The following SLC6A3 variants were observed in gnomAD, a reference collection of about 807,000 sequenced individuals.
SLC6A3 encodes the protein sodium-dependent dopamine transporter.
SLC6A3 carries 19 observed loss-of-function variants against 70.4 expected under a neutral mutation model. The observed-to-expected ratio is 0.27, with a 90% CI of 0.19 to 0.40. The LOEUF is 0.40. Ranked by LOEUF, SLC6A3 falls within the 10% of genes least tolerant of loss-of-function variation. The pLI is 1.00. For missense variants in SLC6A3, 613 were observed against 838.5 expected (o/e 0.73, Z 3.32); for synonymous variants, 368 against 356.6 (o/e 1.03, Z -0.36).
chr5:1,423,978 C>T (rs1232683954), intron 4 of SLC6A3, among the ~76,000 whole-genome samples: 1 of 152,218 alleles, frequency 6.6e-6, no homozygotes, highest in Non-Finnish European at 1.5e-5. Context: ...TTTCCACCAG[C>T]TGCAAGGCAT....
chr5:1,428,686 C>T lies in SLC6A3; in HGVS notation c.653+3778G>A, dbSNP rs796384005. 3.3e-5 allele frequency among the ~76,000 whole-genome samples: 5 copies of T among 152,292 alleles called. No homozygotes were observed. The East Asian group carries it at 5.8e-4, about 18-fold the overall frequency. On this transcript the variant is annotated intron_variant, in intron 4 of 14. Coordinates refer to ENST00000270349, the MANE Select transcript of SLC6A3 (RefSeq NM_001044.5). ...GGGTGCCAGCAACTCCCACAGGATACGTTTCATTTGCCAACCCTGAGGAAC... is the reference window on the plus strand; with the variant it reads ...GGGTGCCAGCAACTCCCACAGGATATGTTTCATTTGCCAACCCTGAGGAAC...
Position 1,393,913 on chromosome 5 carries a change from C to A in SLC6A3, c.*822G>T, listed in dbSNP as rs1313009469. ...GGGATAGGACATGCTCCTGTGGGGG[C>A]CCTGCATGCGTCCGGGGATAGGACA... is the stretch of plus-strand genomic sequence containing the variant. On this transcript the variant is annotated 3_prime_UTR_variant, in exon 15 of 15. Coordinates refer to ENST00000270349, the MANE Select transcript of SLC6A3 (RefSeq NM_001044.5). The A allele has an allele frequency of 6.5e-6, 1 of 153,600 alleles. No homozygotes were observed. The highest frequency in any genetic ancestry group is 2.5e-5 in the African/African-American group (1 of 40,652). 9.5% of individuals were successfully genotyped at this position (153,600 alleles called of 1,614,324 possible). A position where few individuals can be genotyped will look rare whatever the true frequency, so the allele number is the denominator to read the frequency against.
intron 4 of SLC6A3, among the ~76,000 whole-genome samples, chr5:1,427,403 G>A (rs1305878064): frequency 6.6e-6 from 1 of 152,196 alleles, no homozygotes; most frequent in Non-Finnish European, 1.5e-5. Context: ...TTAGCTAATA[G>A]TGTTGATAAA....
Position 1,393,165 on chromosome 5 carries a change from G to A in SLC6A3, c.*1570C>T, listed in dbSNP as rs934486694. 6.6e-6 allele frequency: 1 copy of A among 152,166 alleles called. No homozygotes were observed. Among genetic ancestry groups the A allele is most frequent in the African/African-American group, 2.4e-5 (1 of 41,434 alleles). The allele number at this position is 152,166 out of a possible 1,614,324, so 9.4% of individuals were successfully genotyped here. ...CGAGCATTACACTCCAGTCCCTGGA[G>A]CCCACGTCCACTTGCAGGGGACAGC... On this transcript the variant is annotated 3_prime_UTR_variant, in exon 15 of 15. Coordinates refer to ENST00000270349, the MANE Select transcript of SLC6A3 (RefSeq NM_001044.5).
In SLC6A3 at chr5:1,401,778, C is replaced by A. The variant is rs997319092; in HGVS notation, c.1768-792G>T. The stretch of plus-strand genomic sequence containing the variant: ...GCGCTGACCTGGGCCCCGCCTCCCA[C>A]GTCCATCCAGCCTCCCAGAGGAGCT... On this transcript the variant is annotated intron_variant, in intron 13 of 14. Transcript: ENST00000270349. The surrounding 1 kb of genome is among the most constrained non-coding windows in gnomAD (Gnocchi z 6.1). Among the ~76,000 whole-genome samples, 1 of 152,382 alleles carries A rather than the reference C, an allele frequency of 6.6e-6. No homozygotes were observed. The highest frequency in any genetic ancestry group is 1.9e-4 in the East Asian group (1 of 5,186).
intron 4 of SLC6A3, among the ~76,000 whole-genome samples, chr5:1,428,670 C>G (rs1464187621): frequency 6.6e-6 from 1 of 152,186 alleles, no homozygotes; most frequent in Non-Finnish European, 1.5e-5. Context: ...GGGGTGCCAG[C>G]AACTCCCACA....
rs866822115 is a variant in SLC6A3, at chr5:1,420,643, C to T, written c.853G>A (p.Val285Ile). The change falls in exon 6 of 15, where the codon GTC becomes ATC. Residue 285 changes from valine to isoleucine, a missense_variant. Physicochemically the swap from Val to Ile is conservative, Grantham distance 29 (BLOSUM62 3). Transcript: ENST00000270349. ...VVLTALLLRG[V>I]TLPGAIDGIR... The stretch of plus-strand genomic sequence containing the variant: ...CCGTCTATGGCTCCAGGGAGGGTGA[C>T]CCCACGCAGGAGCAGGGCAGTGAGG... 1 of 1,613,494 alleles carries T rather than the reference C, an allele frequency of 6.2e-7. No individual in the cohort carries two copies. Among genetic ancestry groups the T allele is most frequent in the Non-Finnish European group, 8.5e-7 (1 of 1,179,932 alleles).
chr5:1,423,158 A>G (rs1376892512), intron 4 of SLC6A3, among the ~76,000 whole-genome samples: 1 of 71,712 alleles, frequency 1.4e-5, no homozygotes, highest in African/African-American at 6.8e-5. Flanking sequence ...CGCTGCCCAC[A>G]GTGCTGCCCA....
Position 1,408,987 on chromosome 5 carries a change from C to A in SLC6A3, c.1498+39G>T. The A allele has an allele frequency of 2.8e-6, 4 of 1,430,118 alleles. No individual in the cohort carries two copies. The South Asian group carries it at 3.5e-5, about 12-fold the overall frequency. 88.6% of individuals were successfully genotyped at this position (1,430,118 alleles called of 1,614,324 possible). A position where few individuals can be genotyped will look rare whatever the true frequency, so the allele number is the denominator to read the frequency against. On this transcript the variant is annotated intron_variant, in intron 11 of 14. Transcript: ENST00000270349. The surrounding 1 kb of genome is among the most constrained non-coding windows in gnomAD (Gnocchi z 6.4). The stretch of plus-strand genomic sequence containing the variant: ...GAAGGGGAGTGGCACAGCCACCAAA[C>A]AAGAGGGTGCCGGCTTGGCTGCCTT...
chr5:1,407,689 T>C (rs1252226456), intron 11 of SLC6A3, among the ~76,000 whole-genome samples: 1 of 152,224 alleles, frequency 6.6e-6, no homozygotes, highest in Non-Finnish European at 1.5e-5. Context: ...ACTTTCTCCC[T>C]TCCTCTGTGA....
At chr5:1,433,926 C>A (rs1018463329) in intron 3 of SLC6A3, among the ~76,000 whole-genome samples, 1 of 152,174 alleles carries the variant, frequency 6.6e-6, no homozygotes, top group Non-Finnish European at 1.5e-5. Context: ...CATTCAAAAC[C>A]ATCCACAGCC....
intron 4 of SLC6A3, among the ~76,000 whole-genome samples, chr5:1,426,374 CA>C (rs2126382004): frequency 6.6e-6 from 1 of 152,134 alleles, no homozygotes; most frequent in East Asian, 1.9e-4. Flanking sequence ...CCCCACTTTA[CA>C]AAAAATTTTA....
At chr5:1,424,991 G>A (rs1179864406) in intron 4 of SLC6A3, among the ~76,000 whole-genome samples, 9 of 152,210 alleles carry the variant, frequency 5.9e-5, no homozygotes, top group African/African-American at 1.7e-4. Flanking sequence ...CAGGGCAGGC[G>A]AGACCATCAA....
At chr5:1,395,879 G>T (rs1321371795) in intron 14 of SLC6A3, among the ~76,000 whole-genome samples, 1 of 152,210 alleles carries the variant, frequency 6.6e-6, no homozygotes, top group African/African-American at 2.4e-5. Flanking sequence ...GTGCTTGGGG[G>T]CTCCCAGATT....
chr5:1,422,576 G>A (rs1756470609), intron 4 of SLC6A3, among the ~76,000 whole-genome samples: 1 of 137,584 alleles, frequency 7.3e-6, no homozygotes, highest in African/African-American at 2.7e-5. Flanking sequence ...TGCTGCCCAC[G>A]CTGCTGGGTA....
intron 4 of SLC6A3, among the ~76,000 whole-genome samples, chr5:1,422,387 G>GCTGCCCACGC (rs1560918372): frequency 2.9e-5 from 3 of 101,878 alleles, no homozygotes; most frequent in African/African-American, 1.2e-4. Context: ...GCTGCCCAAG[G>GCTGCCCACGC]TGCTGGGTGC....
chr5:1,424,201 T>C (rs895384662), intron 4 of SLC6A3, among the ~76,000 whole-genome samples: 1 of 152,184 alleles, frequency 6.6e-6, no homozygotes, highest in African/African-American at 2.4e-5. Flanking sequence ...CATTCTCTGC[T>C]CTTCTCCAAG....
Position 1,438,029 on chromosome 5 carries a change from C to A in SLC6A3, c.418+3330G>T, listed in dbSNP as rs545839869. Among the ~76,000 whole-genome samples, 2 of 152,182 alleles carry A rather than the reference C, an allele frequency of 1.3e-5. No homozygotes were observed. The highest frequency in any genetic ancestry group is 2.9e-5 in the Non-Finnish European group (2 of 68,038). ...CAGTCTCCTCTAAACTGGCATCCTGCGCTTGACAGGTAGGCAGAACAAACG... is the reference window on the plus strand; with the variant it reads ...CAGTCTCCTCTAAACTGGCATCCTGAGCTTGACAGGTAGGCAGAACAAACG... On this transcript the variant is annotated intron_variant, in intron 3 of 14. Transcript: ENST00000270349. The surrounding 1 kb of genome is among the most constrained non-coding windows in gnomAD (Gnocchi z 6.5).
intron 9 of SLC6A3, 75 bp from the exon 10 acceptor site, chr5:1,409,924 CACCCAG>C (rs1756075409): frequency 5.0e-6 from 8 of 1,587,208 alleles, no homozygotes; most frequent in Non-Finnish European, 5.2e-6. Flanking sequence ...ACCTACTTGT[CACCCAG>C]TGGACGCACA....
Sources: allele counts gnomAD v4.1 joint callset (sites outside exome capture counted in the v4.1 genomes callset), GRCh38; gene constraint gnomAD v4.1.1; non-coding constraint Gnocchi (gnomAD v3.1); transcripts MANE v1.5; gene names NCBI Gene and HGNC (gene_info 2026-07-23, HGNC 2026-07-21).